Variants in DCAF8 observed in about 807,000 individuals in gnomAD.
DCAF8 encodes the protein DDB1- and CUL4-associated factor 8.
In DCAF8, 20 loss-of-function variants were observed where a neutral mutation model predicts 68.0. The observed-to-expected ratio is 0.29, with a 90% CI of 0.21 to 0.43. The LOEUF is 0.43. Ranked by LOEUF, DCAF8 falls within the 20% of genes least tolerant of loss-of-function variation. The probability of loss-of-function intolerance (pLI) is 1.00; values close to 1 mark genes in which losing one functional copy is unlikely to be tolerated. For synonymous variants in DCAF8, 230 were observed against 276.9 expected (o/e 0.83, Z 1.68); for missense variants, 460 against 771.0 (o/e 0.60, Z 4.78).
chr1:160,223,518 C>A (rs1655367159), intron 10 of DCAF8, among the ~76,000 whole-genome samples: 1 of 152,190 alleles, frequency 6.6e-6, no homozygotes, highest in Non-Finnish European at 1.5e-5. Flanking sequence ...ACATTAGAAT[C>A]ATGTGGGTAG....
Position 160,240,306 on chromosome 1 carries a change from G to A in DCAF8, c.114C>T (p.Gly38=), listed in dbSNP as rs1384657615. The A allele has an allele frequency of 5.0e-6, 8 of 1,613,888 alleles. No homozygotes were observed. In the East Asian group the frequency reaches 1.8e-4, roughly 36 times the overall value. Residue 38 remains glycine (G), a synonymous_variant, in exon 4 of 14, where the codon GGC becomes GGT. Transcript: ENST00000368074. ...TCAGGTCTGAGGCCTCCACTTCAAT[G>A]CCTGAGGATGTCTCCCTCCCCTCTT... ...GAEEGRETSS[G]IEVEASDLSL... is the part of the protein sequence containing the mutation.
intron 2 of DCAF8, among the ~76,000 whole-genome samples, chr1:160,259,653 A>G (rs182013840): frequency 1.3e-5 from 2 of 152,350 alleles, no homozygotes; most frequent in South Asian, 2.1e-4. Context: ...GGATCACTGT[A>G]TAGCCCAACA....
intron 2 of DCAF8, among the ~76,000 whole-genome samples, chr1:160,246,618 C>T (rs535858450): frequency 5.3e-5 from 8 of 152,278 alleles, no homozygotes; most frequent in Non-Finnish European, 7.4e-5. Flanking sequence ...ACTGTGAGAC[C>T]CTTGTCTCTA....
At chr1:160,221,684 T>C (rs1390287605) in intron 11 of DCAF8, among the ~76,000 whole-genome samples, 2 of 152,122 alleles carry the variant, frequency 1.3e-5, no homozygotes, top group Non-Finnish European at 1.5e-5. Flanking sequence ...AGTCATTCCT[T>C]AGAGGCCTTG....
chr1:160,226,095 G>C (rs895439298), intron 7 of DCAF8, among the ~76,000 whole-genome samples: 15 of 152,274 alleles, frequency 9.9e-5, no homozygotes, highest in African/African-American at 3.1e-4. Flanking sequence ...CCCATTTTAA[G>C]TGGCAATCCT....
Position 160,224,505 on chromosome 1 carries a change from A to G in DCAF8, c.1246T>C (p.Ser416Pro). The change falls in exon 10 of 14, where the codon TCC becomes CCC. Residue 416 changes from serine to proline, a missense_variant. By Grantham distance (74) the Ser-to-Pro change is moderately conservative. This residue lies in a region of DCAF8 where 16 missense variants were observed against 17.3 expected (regional missense o/e 0.93). Transcript: ENST00000368074. ...TACTGGGCCCCATCACTGTGAGAGG[A>G]GTTGAAGAGGTAAATGTCTTCATCA... ...YNDEDIYLFN[S>P]SHSDGAQYVK... 1 of 1,614,150 alleles carries G rather than the reference A, an allele frequency of 6.2e-7. No homozygotes were observed. The highest frequency in any genetic ancestry group is 8.5e-7 in the Non-Finnish European group (1 of 1,179,996).
intron 2 of DCAF8, among the ~76,000 whole-genome samples, chr1:160,256,866 T>G (rs1309736975): frequency 6.6e-6 from 1 of 152,188 alleles, no homozygotes; most frequent in Non-Finnish European, 1.5e-5. Context: ...GAAATCTGGC[T>G]TCTGGCCCAG....
chr1:160,224,589 A>T, intron 9 of DCAF8, 40 bp from the exon 10 acceptor site: 2 of 1,537,878 alleles, frequency 1.3e-6, no homozygotes, highest in South Asian at 2.2e-5. Context: ...GCAAAGGCTG[A>T]AAAAAGCAGG....
At chr1:160,243,916 C>T (rs1344737518) in intron 3 of DCAF8, 44 bp downstream of exon 3, 1 of 1,600,550 alleles carries the variant, frequency 6.2e-7, no homozygotes, top group Admixed American at 1.7e-5. Context: ...AGGACAACCT[C>T]AGTTGATAGT....
chr1:160,229,124 G>A (rs1470921463), intron 7 of DCAF8, among the ~76,000 whole-genome samples: 2 of 151,828 alleles, frequency 1.3e-5, no homozygotes, highest in Admixed American at 6.6e-5. Context: ...TGGCAAAACC[G>A]TATCTCTACT....
intron 2 of DCAF8, among the ~76,000 whole-genome samples, chr1:160,260,749 A>G (rs1368033621): frequency 6.6e-6 from 1 of 151,020 alleles, no homozygotes; most frequent in Non-Finnish European, 1.5e-5. Context: ...ATTTCCCACT[A>G]TATCCTAAAA....
At chr1:160,256,434 A>G (rs978811305) in intron 2 of DCAF8, among the ~76,000 whole-genome samples, 6 of 152,226 alleles carry the variant, frequency 3.9e-5, no homozygotes, top group African/African-American at 1.4e-4. Context: ...GAAAGGGTCT[A>G]ATGTTGGATT....
chr1:160,236,840 T>C (rs956650555), intron 6 of DCAF8, among the ~76,000 whole-genome samples: 1 of 152,248 alleles, frequency 6.6e-6, no homozygotes, highest in Non-Finnish European at 1.5e-5. Context: ...TGTGGAAGAA[T>C]GTGCTTTCTG....
chr1:160,262,534 T>C lies in DCAF8; in HGVS notation c.-186A>G, dbSNP rs1439570104. ...CGCTTTCCGGCCCCGTTTGCGACGATGTGCTCGAGAAGACTGAGGGAAGAG... is the reference window on the plus strand; with the variant it reads ...CGCTTTCCGGCCCCGTTTGCGACGACGTGCTCGAGAAGACTGAGGGAAGAG... On this transcript the variant is annotated 5_prime_UTR_variant, in exon 1 of 14. Transcript: ENST00000368074. The C allele has an allele frequency of 5.0e-5, 20 of 399,126 alleles. No homozygotes were observed. The East Asian group carries it at 6.8e-4, about 13-fold the overall frequency. The allele number at this position is 399,126 out of a possible 1,614,324, so 24.7% of individuals were successfully genotyped here. A position where few individuals can be genotyped will look rare whatever the true frequency, so the allele number is the denominator to read the frequency against.
chr1:160,249,709 G>A (rs372710663), intron 2 of DCAF8, among the ~76,000 whole-genome samples: 77 of 152,156 alleles, frequency 5.1e-4, no homozygotes, highest in African/African-American at 1.5e-3. Context: ...TGTTTTAATA[G>A]TTTTACTTAA....
At chr1:160,238,074 CA>C (rs758302043) in intron 5 of DCAF8, among the ~76,000 whole-genome samples, 6 of 152,154 alleles carry the variant, frequency 3.9e-5, no homozygotes, top group Non-Finnish European at 7.3e-5. Context: ...AAGAGAGTAC[CA>C]ACCTCTTTTC....
At chr1:160,244,161 C>T in intron 2 of DCAF8, 127 bp from the exon 3 acceptor site, 1 of 672,520 alleles carries the variant, frequency 1.5e-6, no homozygotes, top group Non-Finnish European at 2.6e-6. Flanking sequence ...TGTATGCATG[C>T]TTAACAGGTC....
intron 6 of DCAF8, among the ~76,000 whole-genome samples, chr1:160,231,718 G>A (rs576236706): frequency 6.6e-6 from 1 of 152,298 alleles, no homozygotes; most frequent in African/African-American, 2.4e-5. Flanking sequence ...TTTAGCTGCA[G>A]TCCAACACAG....
At chr1:160,242,246 A>G (rs1233189858) in intron 3 of DCAF8, among the ~76,000 whole-genome samples, 1 of 147,918 alleles carries the variant, frequency 6.8e-6, no homozygotes, top group African/African-American at 2.4e-5. Flanking sequence ...CTCTGTCTCA[A>G]AAAAAAAAAA....
Sources: allele counts gnomAD v4.1 joint callset (sites outside exome capture counted in the v4.1 genomes callset), GRCh38; gene constraint gnomAD v4.1.1; regional missense constraint gnomAD v4.1.1; transcripts MANE v1.5; gene names NCBI Gene and HGNC (gene_info 2026-07-23, HGNC 2026-07-21).